SYCP1: variants seen among roughly 807,000 people sequenced by gnomAD.
SYCP1 encodes cancer/testis antigen 8.
Under a neutral mutation model 153.1 loss-of-function variants are expected in SYCP1, and 64 were observed. That is an observed-to-expected ratio of 0.42 (90% confidence interval 0.34 to 0.51). The LOEUF (loss-of-function observed/expected upper bound fraction) is 0.51, where lower values mean the gene tolerates loss of function less well. Among genes scored for constraint, SYCP1 ranks in the 20% least tolerant of loss-of-function variants. The pLI, the probability that SYCP1 is intolerant of heterozygous loss-of-function variation, is 0.06. For missense variants in SYCP1, 997 were observed against 1,049.0 expected (o/e 0.95, Z 0.68); for synonymous variants, 384 against 341.8 (o/e 1.12, Z -1.36).
intron 20 of SYCP1, among the ~76,000 whole-genome samples, chr1:114,917,275 A>G (rs139831014): frequency 6.6e-6 from 1 of 152,232 alleles, no homozygotes; most frequent in African/African-American, 2.4e-5. Context: ...ATTGCAGTTA[A>G]CTTAATGACC....
chr1:114,896,755 G>T (rs1282687340), intron 16 of SYCP1, among the ~76,000 whole-genome samples: 1 of 152,164 alleles, frequency 6.6e-6, no homozygotes, highest in Non-Finnish European at 1.5e-5. Flanking sequence ...TTTATATAAC[G>T]ATTCACTTCT....
chr1:114,951,617 A>G (rs1200339396), intron 27 of SYCP1, among the ~76,000 whole-genome samples: 1 of 152,208 alleles, frequency 6.6e-6, no homozygotes, highest in East Asian at 1.9e-4. Context: ...GTAGATTCAC[A>G]TGCAGTTGTA....
intron 11 of SYCP1, among the ~76,000 whole-genome samples, chr1:114,877,420 C>T (rs1665616469): frequency 6.6e-6 from 1 of 152,150 alleles, no homozygotes; most frequent in African/African-American, 2.4e-5. Context: ...ATAGAATCCT[C>T]TTCTATTTCT....
chr1:114,860,840 A>G, intron 8 of SYCP1, 31 bp downstream of exon 8: 1 of 1,506,038 alleles, frequency 6.6e-7, no homozygotes, highest in Non-Finnish European at 9.0e-7. Context: ...ATGTGATTTT[A>G]TCAATTTATT....
rs12409760 is a variant in SYCP1 at position 114,913,024 on chromosome 1, A to T, written c.1530-9A>T. The T allele has an allele frequency of 0.012, 19,124 of 1,553,340 alleles. 150 individuals carry two copies. The highest frequency in any genetic ancestry group is 0.061 in the Admixed American group (2,998 of 49,246). ...ATATTTTGGTATGACTTTTTTTTTT[A>T]AAAAATAGGCTTAAGAATACTGAAT... On this transcript the variant is annotated splice_polypyrimidine_tract_variant and intron_variant, in intron 18 of 31. Coordinates refer to ENST00000369522, the MANE Select transcript of SYCP1 (RefSeq NM_003176.4).
intron 27 of SYCP1, 71 bp from the exon 28 acceptor site, chr1:114,977,486 G>T (rs1027757557): frequency 1.0e-5 from 10 of 959,046 alleles, no homozygotes; most frequent in South Asian, 3.6e-5. Context: ...TACTAGGAAA[G>T]ATTTTGATAA....
rs1394854795 is a variant in SYCP1, at chr1:114,855,422, C to A, written c.-24-19C>A. The A allele has an allele frequency of 1.4e-6, 2 of 1,387,048 alleles. No homozygotes were observed. The highest frequency in any genetic ancestry group is 1.2e-5 in the South Asian group (1 of 80,954). 85.9% of individuals were successfully genotyped at this position (1,387,048 alleles called of 1,614,324 possible). A position where few individuals can be genotyped will look rare whatever the true frequency, so the allele number is the denominator to read the frequency against. ...TGAAAAAAAACTTTCCTTCCCCTCCCGCCCCCCCGGGGCAGTAGATATTTA... is the reference window on the plus strand; with the variant it reads ...TGAAAAAAAACTTTCCTTCCCCTCCAGCCCCCCCGGGGCAGTAGATATTTA... On this transcript the variant is annotated intron_variant, in intron 1 of 31. Coordinates refer to ENST00000369522, the MANE Select transcript of SYCP1 (RefSeq NM_003176.4).
chr1:114,994,472 T>C (rs1287948705), intron 30 of SYCP1, among the ~76,000 whole-genome samples: 2 of 151,310 alleles, frequency 1.3e-5, no homozygotes, highest in African/African-American at 4.8e-5. Context: ...AAAATCTAGG[T>C]CCTTTCTTGG....
intron 27 of SYCP1, among the ~76,000 whole-genome samples, chr1:114,951,495 G>A (rs570877467): frequency 1.3e-5 from 2 of 152,258 alleles, no homozygotes; most frequent in South Asian, 4.1e-4. Context: ...GTTCTTGAAA[G>A]GGCTGAGATT....
intron 23 of SYCP1, among the ~76,000 whole-genome samples, chr1:114,935,474 C>G (rs904881358): frequency 2.6e-5 from 4 of 152,092 alleles, no homozygotes; most frequent in Non-Finnish European, 5.9e-5. Context: ...AAAATTGACA[C>G]CCTAACATCA....
intron 30 of SYCP1, among the ~76,000 whole-genome samples, chr1:114,985,266 C>G (rs1226259532): frequency 6.6e-6 from 1 of 151,826 alleles, no homozygotes; most frequent in African/African-American, 2.4e-5. Flanking sequence ...ATACATGCTC[C>G]TTTTACATCA....
chr1:114,907,912 A>G (rs1167219473), intron 16 of SYCP1, among the ~76,000 whole-genome samples: 1 of 152,130 alleles, frequency 6.6e-6, no homozygotes, highest in Non-Finnish European at 1.5e-5. Context: ...ATGCATTTAC[A>G]TCTTCCAAGA....
chr1:114,954,061 CT>C (rs983408935), intron 27 of SYCP1, among the ~76,000 whole-genome samples: 7 of 99,322 alleles, frequency 7.0e-5, no homozygotes, highest in Non-Finnish European at 1.6e-4. Flanking sequence ...GACATTTGTT[CT>C]TATTTTTATT....
At chr1:114,892,000 C>G (rs1023083540) in intron 15 of SYCP1, among the ~76,000 whole-genome samples, 1 of 151,998 alleles carries the variant, frequency 6.6e-6, no homozygotes, top group Admixed American at 6.6e-5. Context: ...TGGGCCAGTC[C>G]GCAGGCCTAC....
intron 8 of SYCP1, among the ~76,000 whole-genome samples, chr1:114,870,116 C>T (rs775582038): frequency 5.9e-5 from 9 of 152,178 alleles, no homozygotes; most frequent in African/African-American, 1.7e-4. Context: ...TGGGCTCAAG[C>T]GATCTTCTTA....
chr1:114,854,794 A>T (rs1460284951), upstream of SYCP1: 1 of 152,114 alleles, frequency 6.6e-6, no homozygotes, highest in East Asian at 1.9e-4. Flanking sequence ...ATCTCGCGAG[A>T]TTCAGGTCCT....
chr1:114,949,786 T>C (rs1399033976), intron 27 of SYCP1, among the ~76,000 whole-genome samples: 1 of 152,224 alleles, frequency 6.6e-6, no homozygotes, highest in Non-Finnish European at 1.5e-5. Context: ...ACAATTTAGC[T>C]ATTGGCCTAA....
In SYCP1 at chr1:114,994,707, T is replaced by C; in HGVS notation, c.2713T>C (p.Ser905Pro). 6.4e-7 allele frequency: 1 copy of C among 1,559,186 alleles called. No homozygotes were observed. Among genetic ancestry groups the C allele is most frequent in the Non-Finnish European group, 8.6e-7 (1 of 1,161,198 alleles). The change falls in exon 31 of 32, where the codon TCA becomes CCA. Residue 905 changes from serine to proline, a missense_variant. Around this residue, in one of 2 missense-constraint regions of SYCP1, gnomAD observed 712 missense variants for 682.9 expected, o/e 1.04. Coordinates refer to ENST00000369522, the MANE Select transcript of SYCP1 (RefSeq NM_003176.4). ...TTTATTTTTCTTCAAGAGCATGGTT[T>C]CAGAAGAAGAGACATTGAAAACACT... ...SETTDLLSMV[S>P]EEETLKTLYR...
chr1:114,942,075 A>C (rs997589130), intron 23 of SYCP1, among the ~76,000 whole-genome samples: 4 of 152,226 alleles, frequency 2.6e-5, no homozygotes, highest in African/African-American at 9.6e-5. Context: ...CCAAGCAAGA[A>C]AAATTAAAAG....
Sources: allele counts gnomAD v4.1 joint callset (sites outside exome capture counted in the v4.1 genomes callset), GRCh38; gene constraint gnomAD v4.1.1; regional missense constraint gnomAD v4.1.1; transcripts MANE v1.5; gene names NCBI Gene and HGNC (gene_info 2026-07-23, HGNC 2026-07-21).